PHLPP2: variants seen among roughly 807,000 people sequenced by gnomAD.
PHLPP2 encodes PH domain and leucine rich repeat protein phosphatase 2.
Under a neutral mutation model 124.9 loss-of-function variants are expected in PHLPP2, and 66 were observed. The ratio of observed to expected loss-of-function variants is 0.53; its 90% CI spans 0.43 to 0.65. The LOEUF (loss-of-function observed/expected upper bound fraction) is 0.65. Ranked by LOEUF, PHLPP2 falls within the 30% of genes least tolerant of loss-of-function variation. PHLPP2 has a pLI of 0.00. For synonymous variants in PHLPP2, 681 were observed against 624.7 expected, an observed-to-expected ratio of 1.09 and a Z score of -1.34; for missense variants, 1,685 against 1,600.4, an observed-to-expected ratio of 1.05 and a Z score of -0.90.
At chr16:71,689,180 G>A (rs912426379) in intron 4 of PHLPP2, among the ~76,000 whole-genome samples, 1 of 151,906 alleles carries the variant, frequency 6.6e-6, no homozygotes, top group Non-Finnish European at 1.5e-5. Context: ...TTTCTATTCT[G>A]TATTTGTAAG....
At chr16:71,723,843 C>A (rs1247390176) in intron 1 of PHLPP2, 14 of 1,227,336 alleles carry the variant, frequency 1.1e-5, no homozygotes, top group Non-Finnish European at 1.3e-5. Flanking sequence ...AGCGGGCCCG[C>A]GGGCCCCGGC....
rs748474269 is a variant in PHLPP2 at position 71,658,232 on chromosome 16, C to T, written c.2279+1G>A. On this transcript the variant is annotated splice_donor_variant, in intron 15 of 18. Transcript: ENST00000568954. LOFTEE classifies it high-confidence loss of function. ...AGATTCCATTTCAAATTTTTTCCTACCTAAATATGTCCAGTGTCTTGTGTT... is the reference window on the plus strand; with the variant it reads ...AGATTCCATTTCAAATTTTTTCCTATCTAAATATGTCCAGTGTCTTGTGTT... 6 of 1,612,606 alleles carry T rather than the reference C, an allele frequency of 3.7e-6. No individual in the cohort carries two copies.
In PHLPP2 at chr16:71,646,274, G is replaced by A. The variant is rs1290567340; in HGVS notation, c.*2616C>T. On this transcript the variant is annotated 3_prime_UTR_variant, in exon 19 of 19. Coordinates refer to ENST00000568954, the MANE Select transcript of PHLPP2 (RefSeq NM_015020.3). ...GGCCTTTTTACCCTGTTTTAATACA[G>A]AGCAACTGCAGAAGGACATGAATTA... is the stretch of plus-strand genomic sequence containing the variant. The A allele has an allele frequency of 6.6e-6, 1 of 152,164 alleles. No individual in the cohort carries two copies. Among genetic ancestry groups the A allele is most frequent in the Non-Finnish European group, 1.5e-5 (1 of 68,018 alleles). 9.4% of individuals were successfully genotyped at this position (152,164 alleles called of 1,614,324 possible). A position where few individuals can be genotyped will look rare whatever the true frequency, so the allele number is the denominator to read the frequency against.
At chr16:71,687,777 C>T (rs376625168) in intron 4 of PHLPP2, among the ~76,000 whole-genome samples, 6 of 152,182 alleles carry the variant, frequency 3.9e-5, no homozygotes, top group Non-Finnish European at 8.8e-5. Flanking sequence ...TTTGTCTTCA[C>T]TTCTAGAAAA....
At chr16:71,708,039 C>G (rs746145704) in intron 2 of PHLPP2, among the ~76,000 whole-genome samples, 16 of 152,156 alleles carry the variant, frequency 1.1e-4, no homozygotes, top group Non-Finnish European at 2.2e-4. Flanking sequence ...GGGTGAATCA[C>G]CAGGTCAAAG....
chr16:71,712,192 CCAT>C (rs773862579), intron 2 of PHLPP2, among the ~76,000 whole-genome samples: 4 of 152,200 alleles, frequency 2.6e-5, no homozygotes, highest in East Asian at 3.8e-4. Context: ...CTGAAATCTA[CCAT>C]CATCATCATC....
At chr16:71,672,129 T>C (rs1251330126) in intron 10 of PHLPP2, 133 bp downstream of exon 10, 2 of 673,954 alleles carry the variant, frequency 3.0e-6, no homozygotes, top group East Asian at 2.7e-5. Context: ...CGTCCATTCA[T>C]CCTTTCTCCT....
chr16:71,700,178 C>T (rs761065571), intron 3 of PHLPP2, among the ~76,000 whole-genome samples: 2 of 152,170 alleles, frequency 1.3e-5, no homozygotes, highest in Non-Finnish European at 2.9e-5. Context: ...AGGAGGATCA[C>T]TTGAGCCCAG....
At chr16:71,664,962 C>T (rs974725861) in intron 12 of PHLPP2, among the ~76,000 whole-genome samples, 4 of 152,130 alleles carry the variant, frequency 2.6e-5, no homozygotes, top group Admixed American at 2.0e-4. Flanking sequence ...AAAGGATATA[C>T]ATTTTTTAGA....
intron 9 of PHLPP2, among the ~76,000 whole-genome samples, chr16:71,672,738 C>T (rs2044906293): frequency 6.6e-6 from 1 of 152,174 alleles, no homozygotes; most frequent in Non-Finnish European, 1.5e-5. Context: ...ACACCCGGAT[C>T]AAGAAACAGA....
Position 71,679,432 on chromosome 16 carries a change from T to A in PHLPP2, c.994A>T (p.Asn332Tyr). Reference protein sequence around the residue: ...STLTELNLSCNGFHDLPSQIG... With the variant: ...STLTELNLSCYGFHDLPSQIG... ...TGACTTGGTAGGTCATGAAATCCAT[T>A]ACAGGAAAGGTTGAGCTCAGTCAGG... Residue 332 changes from asparagine to tyrosine, a missense_variant, in exon 7 of 19, where the codon AAT (asparagine) becomes TAT (tyrosine). Transcript: ENST00000568954. 6.2e-7 allele frequency: 1 copy of A among 1,613,962 alleles called. No homozygotes were observed. Among genetic ancestry groups the A allele is most frequent in the South Asian group, 1.1e-5 (1 of 91,084 alleles).
intron 10 of PHLPP2, 65 bp downstream of exon 10, chr16:71,672,197 C>CA: frequency 2.4e-6 from 3 of 1,235,316 alleles, no homozygotes; most frequent in Non-Finnish European, 3.5e-6. Context: ...TCAAAACTGC[C>CA]AAAAAATCCA....
At chr16:71,696,273 C>T (rs1172306511) in intron 3 of PHLPP2, among the ~76,000 whole-genome samples, 1 of 151,866 alleles carries the variant, frequency 6.6e-6, no homozygotes, top group Non-Finnish European at 1.5e-5. Context: ...GAAATAAGTA[C>T]TCTCAAATTC....
intron 1 of PHLPP2, chr16:71,723,769 C>A (rs747248621): frequency 2.3e-6 from 3 of 1,330,674 alleles, no homozygotes; most frequent in Middle Eastern, 5.7e-4. Context: ...GCCTCCTCAC[C>A]TTCAGGACCC....
At chr16:71,667,147 G>A (rs370538610) in intron 12 of PHLPP2, 31 bp downstream of exon 12, 51 of 1,587,742 alleles carry the variant, frequency 3.2e-5, no homozygotes, top group Admixed American at 3.4e-5. Context: ...CAATGATTCT[G>A]CTCTTCCGAA....
chr16:71,705,534 C>A (rs527629823), intron 2 of PHLPP2, among the ~76,000 whole-genome samples: 3 of 151,538 alleles, frequency 2.0e-5, no homozygotes, highest in African/African-American at 7.3e-5. Context: ...TTTTTTGAGC[C>A]GAAGTCTCGC....
At chr16:71,698,507 C>T in intron 3 of PHLPP2, 2 of 739,724 alleles carry the variant, frequency 2.7e-6, no homozygotes, top group Non-Finnish European at 4.9e-6. Flanking sequence ...CCTCGCATAC[C>T]TGTTTGGAGC....
chr16:71,677,014 G>C (rs1295629189), intron 8 of PHLPP2: 1 of 253,144 alleles, frequency 4.0e-6, no homozygotes, highest in Non-Finnish European at 7.7e-6. Flanking sequence ...AAAGTGCTGG[G>C]ATTACAGGCA....
chr16:71,672,312 T>C lies in PHLPP2; in HGVS notation c.1482A>G (p.Ala494=), dbSNP rs377294636. The C allele has an allele frequency of 1.7e-4, 272 of 1,613,110 alleles. No individual in the cohort carries two copies. The highest frequency in any genetic ancestry group is 2.2e-4 in the Non-Finnish European group (265 of 1,179,200). Residue 494 remains alanine (A), a synonymous_variant, in exon 10 of 19, where the codon GCA becomes GCG. Transcript: ENST00000568954. ...GGCTGGGTACTGGATAGACGTTCACTGCTGTCAGCCCTAATCCAAAAACAA... is the reference window on the plus strand; with the variant it reads ...GGCTGGGTACTGGATAGACGTTCACCGCTGTCAGCCCTAATCCAAAAACAA... The part of the protein sequence containing the change: ...TLYASSNRLT[A]VNVYPVPSLL...
Sources: allele counts gnomAD v4.1 joint callset (sites outside exome capture counted in the v4.1 genomes callset), GRCh38; gene constraint gnomAD v4.1.1; transcripts MANE v1.5; gene names NCBI Gene and HGNC (gene_info 2026-07-23, HGNC 2026-07-21).